The following MINDY1 variants were observed in gnomAD, a reference collection of about 807,000 sequenced individuals.
MINDY1 encodes the protein ubiquitin carboxyl-terminal hydrolase MINDY-1.
A neutral mutation model predicts 53.6 loss-of-function variants in MINDY1; 50 were observed. The ratio of observed to expected loss-of-function variants is 0.93; its 90% CI spans 0.74 to 1.18. The LOEUF (loss-of-function observed/expected upper bound fraction) is 1.18, where lower values mean the gene tolerates loss of function less well. Among genes scored for constraint, MINDY1 ranks in the 50% most tolerant of loss-of-function variants. MINDY1 has a pLI of 0.00. For missense variants in MINDY1, 484 were observed against 578.6 expected (o/e 0.84, Z 1.68); for synonymous variants, 231 against 234.7 (o/e 0.98, Z 0.14).
At chr1:150,997,835 G>T in intron 8 of MINDY1, 56 bp from the exon 9 acceptor site, 1 of 1,542,138 alleles carries the variant, frequency 6.5e-7, no homozygotes. Context: ...GGCTATTCAG[G>T]CAAGGTTTCC....
chr1:151,002,021 TATCTC>T lies in MINDY1; in HGVS notation c.453+139_453+143del. The T allele has an allele frequency of 2.2e-6, 2 of 904,460 alleles. No individual in the cohort carries two copies. The highest frequency in any genetic ancestry group is 1.7e-6 in the Non-Finnish European group (1 of 604,988). 56.0% of individuals were successfully genotyped at this position (904,460 alleles called of 1,614,324 possible). ...TTTTTCTTTGTTTTTAGGAACATCTTATCTCATTTGCTCAAGCTGGAGAAATAGGG... is the reference window on the plus strand; with the variant it reads ...TTTTTCTTTGTTTTTAGGAACATCTTATTTGCTCAAGCTGGAGAAATAGGG... On this transcript the variant is annotated intron_variant, in intron 2 of 9. Transcript: ENST00000683666. This position sits in a 1 kb window ranked among gnomAD's most constrained non-coding sequence, Gnocchi z 4.1.
intron 5 of MINDY1, 65 bp from the exon 6 acceptor site, chr1:151,000,029 GAAATGAACA>G (rs952712427): frequency 8.2e-7 from 1 of 1,219,992 alleles, no homozygotes; most frequent in African/African-American, 1.5e-5. Flanking sequence ...TTTAAGGAAG[GAAATGAACA>G]AAGCTCACAA....
chr1:151,002,715 TA>T lies in MINDY1; in HGVS notation c.-89-10del, dbSNP rs767598817. Reference sequence around the variant, plus strand: ...GGATGCAAAAGAGTGACCTGTCCAATAAGAAGGAAATCAGTGGGCTGGAAAG... The same window carrying T: ...GGATGCAAAAGAGTGACCTGTCCAATAGAAGGAAATCAGTGGGCTGGAAAG... On this transcript the variant is annotated splice_polypyrimidine_tract_variant and intron_variant, in intron 1 of 9. Coordinates refer to ENST00000683666, the MANE Select transcript of MINDY1 (RefSeq NM_001376665.1). The surrounding 1 kb of genome is among the most constrained non-coding windows in gnomAD (Gnocchi z 4.1). The T allele has an allele frequency of 8.3e-6, 13 of 1,575,670 alleles. No individual in the cohort carries two copies. Among genetic ancestry groups the T allele is most frequent in the South Asian group, 1.1e-5 (1 of 87,770 alleles).
At position 151,002,025 on chromosome 1, in the gene MINDY1, T is replaced by G; in HGVS notation, c.453+140A>C. ...TCTTTGTTTTTAGGAACATCTTATC[T>G]CATTTGCTCAAGCTGGAGAAATAGG... is the stretch of plus-strand genomic sequence containing the variant. On this transcript the variant is annotated intron_variant, in intron 2 of 9. Coordinates refer to ENST00000683666, the MANE Select transcript of MINDY1 (RefSeq NM_001376665.1). This position sits in a 1 kb window ranked among gnomAD's most constrained non-coding sequence, Gnocchi z 4.1. 4 of 908,590 alleles carry G rather than the reference T, an allele frequency of 4.4e-6. No individual in the cohort carries two copies. The highest frequency in any genetic ancestry group is 6.6e-6 in the Non-Finnish European group (4 of 607,142). 56.3% of individuals were successfully genotyped at this position (908,590 alleles called of 1,614,324 possible).
In MINDY1 at chr1:150,999,099, C is replaced by T. The variant is rs1474119395; in HGVS notation, c.981+270G>A. 1.3e-5 allele frequency among the ~76,000 whole-genome samples: 2 copies of T among 152,100 alleles called. No individual in the cohort carries two copies. The highest frequency in any genetic ancestry group is 2.9e-5 in the Non-Finnish European group (2 of 68,028). ...AGCTCTAAGCATGAGTGCACAGTGC[C>T]CCTCTCTCTCTCTGTTCCCACATAT... On this transcript the variant is annotated intron_variant, in intron 7 of 9. Transcript: ENST00000683666. This position sits in a 1 kb window ranked among gnomAD's most constrained non-coding sequence, Gnocchi z 4.4.
At chr1:150,997,530 C>A (rs746035331) in intron 9 of MINDY1, 94 bp downstream of exon 9, 1 of 1,592,300 alleles carries the variant, frequency 6.3e-7, no homozygotes, top group East Asian at 2.3e-5. Flanking sequence ...AGAGAAGAAA[C>A]CTTGAAGAGA....
rs1177946147 is a variant in MINDY1, at chr1:150,997,166, C to G, written c.*121G>C. ...CTGACCTTGGCATTTGTTGCCTGCT[C>G]TCATCCCCAACAGTCCATAAATAAG... On this transcript the variant is annotated 3_prime_UTR_variant, in exon 10 of 10. Coordinates refer to ENST00000683666, the MANE Select transcript of MINDY1 (RefSeq NM_001376665.1). 12 of 1,052,362 alleles carry G rather than the reference C, an allele frequency of 1.1e-5. No individual in the cohort carries two copies. The highest frequency in any genetic ancestry group is 9.5e-5 in the African/African-American group (6 of 63,064). 65.2% of individuals were successfully genotyped at this position (1,052,362 alleles called of 1,614,324 possible).
Position 150,999,948 on chromosome 1 carries a change from C to A in MINDY1, c.752G>T (p.Arg251Leu), listed in dbSNP as rs587726958. The A allele has an allele frequency of 6.2e-7, 1 of 1,613,848 alleles. No individual in the cohort carries two copies. The highest frequency in any genetic ancestry group is 1.1e-5 in the South Asian group (1 of 91,076). Reference sequence around the variant, plus strand: ...GTTGTAACTCAGTTTCCCAACTGCACGCACAGCCTCAGGACTCTGCTTGGG... The same window carrying A: ...GTTGTAACTCAGTTTCCCAACTGCAAGCACAGCCTCAGGACTCTGCTTGGG... ...LVDPQSPEAV[R>L]AVGKLSYNQL... Residue 251 changes from arginine to leucine, a missense_variant, in exon 6 of 10, where the codon CGT becomes CTT. Physicochemically the swap from Arg to Leu is moderately radical, Grantham distance 102. Coordinates refer to ENST00000683666, the MANE Select transcript of MINDY1 (RefSeq NM_001376665.1). The surrounding 1 kb of genome is among the most constrained non-coding windows in gnomAD (Gnocchi z 4.4).
chr1:150,996,576 CTT>C (rs1470144479), downstream of MINDY1: 4 of 146,836 alleles, frequency 2.7e-5, no homozygotes, highest in Non-Finnish European at 6.0e-5. Flanking sequence ...CAGTTTTGCT[CTT>C]GTCGCCCAGG....
Position 150,997,117 on chromosome 1 carries a change from G to C in MINDY1, c.*170C>G. The C allele has an allele frequency of 3.0e-6, 2 of 677,406 alleles. No homozygotes were observed. The highest frequency in any genetic ancestry group is 5.1e-6 in the Non-Finnish European group (2 of 393,818). 42.0% of individuals were successfully genotyped at this position (677,406 alleles called of 1,614,324 possible). A position where few individuals can be genotyped will look rare whatever the true frequency, so the allele number is the denominator to read the frequency against. Reference sequence around the variant, plus strand: ...TGGGAGGCAGAGAAGGCAGCAGCACGTGAGGTCAAGGACATTACCAAGTCT... The same window carrying C: ...TGGGAGGCAGAGAAGGCAGCAGCACCTGAGGTCAAGGACATTACCAAGTCT... On this transcript the variant is annotated 3_prime_UTR_variant, in exon 10 of 10. Transcript: ENST00000683666.
upstream of MINDY1, among the ~76,000 whole-genome samples, chr1:151,007,884 A>C (rs1346674152): frequency 6.6e-6 from 1 of 152,216 alleles, no homozygotes; most frequent in Non-Finnish European, 1.5e-5. Context: ...AGGGTGGCAG[A>C]GAGCAAAAAG....
chr1:151,006,225 C>T (rs587596488), intron 1 of MINDY1, 87 bp downstream of exon 1: 7 of 1,530,716 alleles, frequency 4.6e-6, no homozygotes, highest in Non-Finnish European at 6.2e-6. Flanking sequence ...GGTGGAAGGA[C>T]AGCAGGTGTC....
At position 151,000,603 on chromosome 1, in the gene MINDY1, C is replaced by T; in HGVS notation, c.589G>A (p.Ala197Thr). 6.2e-7 allele frequency: 1 copy of T among 1,610,424 alleles called. No homozygotes were observed. Among genetic ancestry groups the T allele is most frequent in the South Asian group, 1.1e-5 (1 of 90,334 alleles). Residue 197 changes from alanine (A) to threonine (T), a missense_variant, in exon 5 of 10, where the codon GCA becomes ACA. By Grantham distance (58) the Ala-to-Thr change is moderately conservative (BLOSUM62 0). Coordinates refer to ENST00000683666, the MANE Select transcript of MINDY1 (RefSeq NM_001376665.1). ...QLNFQQNVDD[A>T]MTVLPKLATG... ...GCCAGTTTAGGCAGCACTGTCATTG[C>T]ATCATCCACATTCTGGGGGTAGAAA...
At position 151,002,129 on chromosome 1, in the gene MINDY1, G is replaced by C; in HGVS notation, c.453+36C>G. 6.5e-7 allele frequency: 1 copy of C among 1,549,222 alleles called. No individual in the cohort carries two copies. Among genetic ancestry groups the C allele is most frequent in the Non-Finnish European group, 8.7e-7 (1 of 1,145,292 alleles). On this transcript the variant is annotated intron_variant, in intron 2 of 9. Coordinates refer to ENST00000683666, the MANE Select transcript of MINDY1 (RefSeq NM_001376665.1). The surrounding 1 kb of genome is among the most constrained non-coding windows in gnomAD (Gnocchi z 4.1). ...AGTAAGTCAGGGAAGAGTACTCCCTGATATTTTTTGCACCCCTAACTGCAT... is the reference window on the plus strand; with the variant it reads ...AGTAAGTCAGGGAAGAGTACTCCCTCATATTTTTTGCACCCCTAACTGCAT...
intron 4 of MINDY1, 72 bp from the exon 5 acceptor site, chr1:151,000,687 T>A: frequency 6.7e-7 from 1 of 1,502,304 alleles, no homozygotes; most frequent in Non-Finnish European, 8.9e-7. Flanking sequence ...CTGCAGAAAT[T>A]AAAAATTAAC....
chr1:150,999,312 GA>G lies in MINDY1; in HGVS notation c.981+56del. 6.2e-7 allele frequency: 1 copy of G among 1,605,574 alleles called. No homozygotes were observed. The highest frequency in any genetic ancestry group is 1.7e-5 in the Admixed American group (1 of 59,504). On this transcript the variant is annotated intron_variant, in intron 7 of 9. Coordinates refer to ENST00000683666, the MANE Select transcript of MINDY1 (RefSeq NM_001376665.1). The surrounding 1 kb of genome is among the most constrained non-coding windows in gnomAD (Gnocchi z 4.4). ...TAGCTGATCCCAGCTGGACCCACGA[GA>G]AAAAGGCACCAGGAAATGACAGCAC...
chr1:151,002,850 C>T lies in MINDY1; in HGVS notation c.-89-144G>A, dbSNP rs753652113. 6.4e-5 allele frequency: 91 copies of T among 1,430,280 alleles called. No individual in the cohort carries two copies. The highest frequency in any genetic ancestry group is 2.0e-4 in the Admixed American group (7 of 34,516). 88.6% of individuals were successfully genotyped at this position (1,430,280 alleles called of 1,614,324 possible). The stretch of plus-strand genomic sequence containing the variant: ...AGTATATGTGTAAACAGAAGGGCCC[C>T]GTGCTGAGCTCTTTCCACCTCTAAC... On this transcript the variant is annotated intron_variant, in intron 1 of 9. Coordinates refer to ENST00000683666, the MANE Select transcript of MINDY1 (RefSeq NM_001376665.1). The surrounding 1 kb of genome is among the most constrained non-coding windows in gnomAD (Gnocchi z 4.1).
At chr1:151,006,942 G>C (rs1416700926), upstream of MINDY1, 3 of 972,032 alleles carry the variant, frequency 3.1e-6, no homozygotes, top group Non-Finnish European at 3.7e-6. Flanking sequence ...GCTAAGTAGG[G>C]AGGAGAAGGG....
chr1:151,007,649 C>T (rs1673372890), upstream of MINDY1, among the ~76,000 whole-genome samples: 1 of 152,126 alleles, frequency 6.6e-6, no homozygotes, highest in Non-Finnish European at 1.5e-5. Flanking sequence ...TGGTGTGAGG[C>T]TGACGGTAGG....
Sources: allele counts gnomAD v4.1 joint callset (sites outside exome capture counted in the v4.1 genomes callset), GRCh38; gene constraint gnomAD v4.1.1; non-coding constraint Gnocchi (gnomAD v3.1); transcripts MANE v1.5; gene names NCBI Gene and HGNC (gene_info 2026-07-23, HGNC 2026-07-21).